MTG2: variants seen among roughly 807,000 people sequenced by gnomAD.
The protein encoded by MTG2 is mitochondrial ribosome associated GTPase 2.
Under a neutral mutation model 28.6 loss-of-function variants are expected in MTG2, and 23 were observed. The ratio of observed to expected loss-of-function variants is 0.80; its 90% CI spans 0.58 to 1.14. The LOEUF is 1.14. Among genes scored for constraint, MTG2 ranks in the 50% most tolerant of loss-of-function variants. The pLI, the probability that MTG2 is intolerant of heterozygous loss-of-function variation, is 0.00. For synonymous variants in MTG2, 260 were observed against 251.8 expected, an observed-to-expected ratio of 1.03 and a Z score of -0.31; for missense variants, 539 against 552.0, an observed-to-expected ratio of 0.98 and a Z score of 0.24.
chr20:62,190,635 T>C (rs1197927921), intron 1 of MTG2, among the ~76,000 whole-genome samples: 1 of 152,148 alleles, frequency 6.6e-6, no homozygotes, highest in Non-Finnish European at 1.5e-5. Context: ...TATCCCTACA[T>C]AATGGTTAAA....
At chr20:62,197,462 G>C (rs977082536) in intron 3 of MTG2, 2 of 156,084 alleles carry the variant, frequency 1.3e-5, no homozygotes, top group Admixed American at 6.4e-5. Context: ...GGAGCACAGA[G>C]AGTTTCCTGT....
chr20:62,199,323 A>C (rs2058120364), intron 6 of MTG2, 66 bp downstream of exon 6: 3 of 1,552,052 alleles, frequency 1.9e-6, no homozygotes, highest in Non-Finnish European at 1.8e-6. Flanking sequence ...GTAATGATGT[A>C]ACTCTTAAAT....
At chr20:62,195,714 T>C in intron 2 of MTG2, 88 bp from the exon 3 acceptor site, 2 of 1,491,434 alleles carry the variant, frequency 1.3e-6, no homozygotes, top group Non-Finnish European at 1.9e-6. Flanking sequence ...CTGTTATAGA[T>C]AGAAGATGTA....
At position 62,198,695 on chromosome 20, in the gene MTG2, G is replaced by T; in HGVS notation, c.530G>T (p.Gly177Val). The T allele has an allele frequency of 1.2e-6, 2 of 1,614,144 alleles. No individual in the cohort carries two copies. The highest frequency in any genetic ancestry group is 1.7e-6 in the Non-Finnish European group (2 of 1,180,044). ...GRVVADLSCV[G>V]DEYIAALGGA... ...GTTGTGGCCGACCTGTCTTGCGTGG[G>T]AGATGAGTACATTGCCGCGCTGGGC... The change falls in exon 5 of 7, where the codon GGA (glycine) becomes GTA (valine). Residue 177 changes from glycine (G) to valine (V), a missense_variant. Transcript: ENST00000370823.
chr20:62,185,636 T>G (rs2057828419), intron 1 of MTG2, among the ~76,000 whole-genome samples: 1 of 151,982 alleles, frequency 6.6e-6, no homozygotes, highest in Non-Finnish European at 1.5e-5. Context: ...GTGAGACTCT[T>G]GTCTCAAAAA....
intron 4 of MTG2, 106 bp from the exon 5 acceptor site, chr20:62,198,528 A>G (rs933570090): frequency 1.6e-6 from 2 of 1,236,108 alleles, no homozygotes; most frequent in African/African-American, 1.5e-5. Flanking sequence ...CCCGGGGCAC[A>G]GTCCGCTCTT....
chr20:62,191,536 A>G (rs140446467), intron 1 of MTG2, among the ~76,000 whole-genome samples: 33 of 152,254 alleles, frequency 2.2e-4, no homozygotes, highest in Non-Finnish European at 4.7e-4. Flanking sequence ...CAAGGACCCC[A>G]CAGAGATAGT....
intron 4 of MTG2, 141 bp from the exon 5 acceptor site, chr20:62,198,493 C>A: frequency 1.2e-6 from 1 of 836,528 alleles, no homozygotes; most frequent in Non-Finnish European, 1.9e-6. Flanking sequence ...GAGCTGTTGG[C>A]AGAGGTGAGT....
In MTG2 at chr20:62,201,229, A is replaced by G. The variant is rs2058165229; in HGVS notation, c.*152A>G. The G allele has an allele frequency of 5.3e-6, 5 of 951,724 alleles. No homozygotes were observed. The African/African-American group carries it at 8.3e-5, about 16-fold the overall frequency. 59.0% of individuals were successfully genotyped at this position (951,724 alleles called of 1,614,324 possible). A position where few individuals can be genotyped will look rare whatever the true frequency, so the allele number is the denominator to read the frequency against. On this transcript the variant is annotated 3_prime_UTR_variant, in exon 7 of 7. Transcript: ENST00000370823. ...CCGCCTGCTGGCCTGAGATGCCCTC[A>G]TGTTGGGAAGCATTCCGTGCCCCCT...
Position 62,199,116 on chromosome 20 carries a change from C to A in MTG2, c.688-3C>A, listed in dbSNP as rs568419603. 18 of 1,613,984 alleles carry A rather than the reference C, an allele frequency of 1.1e-5. No homozygotes were observed. The Middle Eastern group carries it at 6.6e-4, about 59-fold the overall frequency. On this transcript the variant is annotated splice_region_variant and splice_polypyrimidine_tract_variant and intron_variant, in intron 5 of 6. Transcript: ENST00000370823. ...GTGCCACCGTCTTCCCTCTTTCCCCCAGGTGGGATTCCCCAACGCCGGGAA... is the reference window on the plus strand; with the variant it reads ...GTGCCACCGTCTTCCCTCTTTCCCCAAGGTGGGATTCCCCAACGCCGGGAA...
chr20:62,186,528 GTTTTTTTTTT>G (rs56818308), intron 1 of MTG2, among the ~76,000 whole-genome samples: 1 of 127,048 alleles, frequency 7.9e-6, no homozygotes, highest in Non-Finnish European at 1.6e-5. Context: ...TTTTTTTTTT[GTTTTTTTTTT>G]TTTTTTTTGA....
intron 1 of MTG2, among the ~76,000 whole-genome samples, chr20:62,189,196 T>C (rs1002915674): frequency 6.6e-6 from 1 of 151,852 alleles, no homozygotes; most frequent in Non-Finnish European, 1.5e-5. Context: ...CCCCAGCTAC[T>C]CAGGAGGCTG....
At chr20:62,192,057 C>T (rs753855901) in intron 1 of MTG2, among the ~76,000 whole-genome samples, 15 of 152,204 alleles carry the variant, frequency 9.9e-5, no homozygotes, top group Non-Finnish European at 2.1e-4. Flanking sequence ...ACCAACAATT[C>T]GCCAGTCCTC....
At chr20:62,190,036 C>A (rs2057925252) in intron 1 of MTG2, among the ~76,000 whole-genome samples, 1 of 151,992 alleles carries the variant, frequency 6.6e-6, no homozygotes, top group South Asian at 2.1e-4. Context: ...CCTATTTGTC[C>A]CCTCTGTTTT....
rs11474675 is a variant in MTG2 at position 62,188,128 on chromosome 20, C to CAAA, written c.-6+5087_-6+5089dup. Among the ~76,000 whole-genome samples the CAAA allele has an allele frequency of 4.5e-3, 554 of 121,780 alleles. 2 individuals are homozygous for CAAA. Among genetic ancestry groups the CAAA allele is most frequent in the Middle Eastern group, 8.3e-3 (2 of 242 alleles). 79.9% of individuals were successfully genotyped at this position (121,780 alleles called of 152,430 possible). ...CCTGGGCGACAGTGCGAGACTGTCT[C>CAAA]AAAAAAAAAAAAAAAAAATTCTGGT... On this transcript the variant is annotated intron_variant, in intron 1 of 6. Coordinates refer to ENST00000370823, the MANE Select transcript of MTG2 (RefSeq NM_015666.4).
At position 62,201,136 on chromosome 20, in the gene MTG2, G is replaced by A. The variant is rs1004027307; in HGVS notation, c.*59G>A. 34 of 1,491,794 alleles carry A rather than the reference G, an allele frequency of 2.3e-5. No individual in the cohort carries two copies. In the East Asian group the frequency reaches 4.2e-4, roughly 18 times the overall value. 92.4% of individuals were successfully genotyped at this position (1,491,794 alleles called of 1,614,324 possible). Reference sequence around the variant, plus strand: ...TCTGAGCAAACCTGGGTGTGAATTCGGTGGTTTTGAATGCATAAAGTGCCT... The same window carrying A: ...TCTGAGCAAACCTGGGTGTGAATTCAGTGGTTTTGAATGCATAAAGTGCCT... On this transcript the variant is annotated 3_prime_UTR_variant, in exon 7 of 7. Coordinates refer to ENST00000370823, the MANE Select transcript of MTG2 (RefSeq NM_015666.4).
chr20:62,187,404 G>C (rs1247122397), intron 1 of MTG2, among the ~76,000 whole-genome samples: 1 of 152,188 alleles, frequency 6.6e-6, no homozygotes, highest in Non-Finnish European at 1.5e-5. Flanking sequence ...GCTTGTGTAA[G>C]ATTGGCACTG....
chr20:62,183,893 C>T (rs1443421712), intron 1 of MTG2, among the ~76,000 whole-genome samples: 3 of 152,154 alleles, frequency 2.0e-5, no homozygotes, highest in East Asian at 1.9e-4. Context: ...GCCTTAGTCC[C>T]TTGGGAAGTC....
intron 2 of MTG2, among the ~76,000 whole-genome samples, chr20:62,194,412 G>C (rs74383302): frequency 6.6e-6 from 1 of 152,338 alleles, no homozygotes; most frequent in African/African-American, 2.4e-5. Context: ...AAAGTGAGTC[G>C]AGGTTTTGTC....
Sources: allele counts gnomAD v4.1 joint callset (sites outside exome capture counted in the v4.1 genomes callset), GRCh38; gene constraint gnomAD v4.1.1; transcripts MANE v1.5; gene names NCBI Gene and HGNC (gene_info 2026-07-23, HGNC 2026-07-21).